Variants in COBL observed in about 807,000 individuals in gnomAD.
COBL encodes protein cordon-bleu.
Under a neutral mutation model 98.8 loss-of-function variants are expected in COBL, and 51 were observed. That is an observed-to-expected ratio of 0.52 (90% CI 0.41 to 0.65). The LOEUF (loss-of-function observed/expected upper bound fraction) is 0.65. COBL is among the 30% of genes least tolerant of loss of function. The probability of loss-of-function intolerance (pLI) is 0.00; values close to 1 mark genes in which losing one functional copy is unlikely to be tolerated. For missense variants in COBL, 1,617 were observed against 1,617.5 expected, an observed-to-expected ratio of 1.00 and a Z score of 0.01; for synonymous variants, 634 against 651.7, an observed-to-expected ratio of 0.97 and a Z score of 0.41.
chr7:51,207,704 T>C (rs1035908250), intron 2 of COBL, among the ~76,000 whole-genome samples: 5 of 152,274 alleles, frequency 3.3e-5, no homozygotes, highest in Non-Finnish European at 7.3e-5. Context: ...GGTGCCGGGA[T>C]TGCAGACGGA....
chr7:51,286,348 A>G (rs1445076651), intron 1 of COBL, among the ~76,000 whole-genome samples: 1 of 151,800 alleles, frequency 6.6e-6, no homozygotes, highest in Non-Finnish European at 1.5e-5. Flanking sequence ...AAAAATCTGC[A>G]AATCACATAT....
intron 6 of COBL, among the ~76,000 whole-genome samples, chr7:51,126,451 T>C (rs1798215612): frequency 6.6e-6 from 1 of 152,222 alleles, no homozygotes; most frequent in Non-Finnish European, 1.5e-5. Flanking sequence ...TGGGCCACTG[T>C]ACCCCTTTCA....
At chr7:51,047,982 C>T (rs1277051856) in intron 7 of COBL, among the ~76,000 whole-genome samples, 3 of 152,116 alleles carry the variant, frequency 2.0e-5, no homozygotes, top group African/African-American at 7.2e-5. Context: ...GCGTGGCCAA[C>T]ATGGCAAAAC....
chr7:51,178,105 C>A (rs1272575598), intron 5 of COBL, among the ~76,000 whole-genome samples: 2 of 152,110 alleles, frequency 1.3e-5, no homozygotes, highest in Non-Finnish European at 2.9e-5. Context: ...AAGATCATGC[C>A]ATTGCATTCC....
intron 1 of COBL, among the ~76,000 whole-genome samples, chr7:51,300,253 T>G (rs1801812943): frequency 6.6e-6 from 1 of 152,210 alleles, no homozygotes; most frequent in African/African-American, 2.4e-5. Flanking sequence ...CTCTGTCTCC[T>G]GGGTTCAAGC....
At chr7:51,073,139 A>G in intron 7 of COBL, 1 of 393,294 alleles carries the variant, frequency 2.5e-6, no homozygotes, top group Non-Finnish European at 4.5e-6. Context: ...AAATTTGCAT[A>G]TAATTTACCT....
intron 1 of COBL, among the ~76,000 whole-genome samples, chr7:51,245,229 T>C (rs1345448684): frequency 6.6e-6 from 1 of 152,134 alleles, no homozygotes; most frequent in Admixed American, 6.5e-5. Flanking sequence ...TGCTTTCACA[T>C]CTCCAGAGTC....
At position 51,191,068 on chromosome 7, in the gene COBL, C is replaced by A; in HGVS notation, c.467G>T (p.Arg156Leu). Reference protein sequence around the residue: ...GPPKVPEKSVRLVVNYLRTQK... With the variant: ...GPPKVPEKSVLLVVNYLRTQK... ...TGTCCGCAGGTAATTCACGACCAAA[C>A]GCACAGATTTCTGGAAGAACACACA... The change falls in exon 4 of 13, where the codon CGT (arginine) becomes CTT (leucine). Residue 156 changes from arginine to leucine, a missense_variant. This residue lies in a region of COBL where 238 missense variants were observed against 215.0 expected (regional missense o/e 1.11). Coordinates refer to ENST00000265136, the MANE Select transcript of COBL (RefSeq NM_015198.5). 6.2e-7 allele frequency: 1 copy of A among 1,613,900 alleles called. No individual in the cohort carries two copies. Among genetic ancestry groups the A allele is most frequent in the Non-Finnish European group, 8.5e-7 (1 of 1,179,928 alleles).
Position 51,100,329 on chromosome 7 carries a change from G to A in COBL, c.958-15025C>T, listed in dbSNP as rs546610126. Among the ~76,000 whole-genome samples, 6 of 152,294 alleles carry A rather than the reference G, an allele frequency of 3.9e-5. 1 individual carries two copies. The South Asian group carries it at 1.2e-3, about 32-fold the overall frequency. On this transcript the variant is annotated intron_variant, in intron 6 of 12. Transcript: ENST00000265136. ...TTTCTCTGTGATAGGAACTGTAGTG[G>A]ATTCAAAGATGTAAAACGTTCCTGA... is the stretch of plus-strand genomic sequence containing the variant.
At chr7:51,286,963 A>G (rs1286908738) in intron 1 of COBL, among the ~76,000 whole-genome samples, 1 of 152,250 alleles carries the variant, frequency 6.6e-6, no homozygotes, top group Non-Finnish European at 1.5e-5. Flanking sequence ...TTGCAGCAAC[A>G]TGGATGCAGC....
chr7:51,039,652 C>T (rs183151203), intron 8 of COBL, among the ~76,000 whole-genome samples: 2 of 152,328 alleles, frequency 1.3e-5, no homozygotes, highest in South Asian at 2.1e-4. Context: ...ACTTCAGTAG[C>T]GACAAGTGTA....
Position 51,017,455 on chromosome 7 carries a change from C to A in COBL, c.*96G>T. 2 of 1,317,528 alleles carry A rather than the reference C, an allele frequency of 1.5e-6. No homozygotes were observed. The highest frequency in any genetic ancestry group is 2.4e-5 in the South Asian group (2 of 84,692). The allele number at this position is 1,317,528 out of a possible 1,614,324, so 81.6% of individuals were successfully genotyped here. ...ATTTGGCCTGTAGACAAGAAAGTAA[C>A]ACCAAAACTTGATGTTCCTGGCTAT... On this transcript the variant is annotated 3_prime_UTR_variant, in exon 13 of 13. Transcript: ENST00000265136.
chr7:51,313,114 C>T (rs1165504256), intron 1 of COBL, among the ~76,000 whole-genome samples: 1 of 152,036 alleles, frequency 6.6e-6, no homozygotes. Flanking sequence ...TCAAATCTAA[C>T]GGGAAAAGTT....
intron 1 of COBL, among the ~76,000 whole-genome samples, chr7:51,250,101 CA>C (rs1292556366): frequency 5.0e-4 from 71 of 142,842 alleles, no homozygotes; most frequent in Admixed American, 6.3e-4. Context: ...GACTCCATTT[CA>C]AAAAAAAAAA....
intron 1 of COBL, among the ~76,000 whole-genome samples, chr7:51,306,264 T>C (rs1022208664): frequency 2.6e-5 from 4 of 152,192 alleles, no homozygotes; most frequent in Non-Finnish European, 5.9e-5. Flanking sequence ...GAAGCCCCGA[T>C]ACTGACTAGC....
intron 2 of COBL, among the ~76,000 whole-genome samples, chr7:51,207,699 C>T (rs539522451): frequency 2.0e-5 from 3 of 152,392 alleles, no homozygotes; most frequent in East Asian, 1.9e-4. Flanking sequence ...CCCGAGGTGC[C>T]GGGATTGCAG....
intron 8 of COBL, among the ~76,000 whole-genome samples, chr7:51,039,864 G>C (rs908306078): frequency 6.6e-6 from 1 of 152,150 alleles, no homozygotes; most frequent in African/African-American, 2.4e-5. Flanking sequence ...TAAAAATCTA[G>C]ATTTCTGGCT....
intron 7 of COBL, chr7:51,065,374 G>A (rs1485362679): frequency 2.8e-6 from 2 of 703,602 alleles, no homozygotes; most frequent in Non-Finnish European, 2.6e-6. Flanking sequence ...CAGGGTTCTT[G>A]GCTTTGCTGT....
At chr7:51,288,954 GTAAAGAACAATATAAAATAGT>G in intron 1 of COBL, among the ~76,000 whole-genome samples, 1 of 152,202 alleles carries the variant, frequency 6.6e-6, no homozygotes, top group East Asian at 1.9e-4. Context: ...GGTTAAAACT[GTAAAGAACAATATAAAATAGT>G]CCTCAGGAGT....
Sources: allele counts gnomAD v4.1 joint callset (sites outside exome capture counted in the v4.1 genomes callset), GRCh38; gene constraint gnomAD v4.1.1; regional missense constraint gnomAD v4.1.1; transcripts MANE v1.5; gene names NCBI Gene and HGNC (gene_info 2026-07-23, HGNC 2026-07-21).